Variants in DYM observed in about 807,000 individuals in gnomAD.
DYM encodes the protein dyggve-Melchior-Clausen syndrome protein.
In DYM, 78 loss-of-function variants were observed where a neutral mutation model predicts 93.1. The observed-to-expected ratio is 0.84, with a 90% CI of 0.70 to 1.01. The LOEUF is 1.01. Among genes scored for constraint, DYM ranks in the 50% least tolerant of loss-of-function variants. DYM has a pLI of 0.00. For synonymous variants in DYM, 321 were observed against 319.7 expected, an observed-to-expected ratio of 1.00 and a Z score of -0.04; for missense variants, 789 against 845.0, an observed-to-expected ratio of 0.93 and a Z score of 0.82.
chr18:49,102,541 TATCTCCA>T, intron 16 of DYM, among the ~76,000 whole-genome samples: 1 of 152,196 alleles, frequency 6.6e-6, no homozygotes, highest in Non-Finnish European at 1.5e-5. Context: ...ACATTAGGTA[TATCTCCA>T]AATGCTATCC....
intron 14 of DYM, among the ~76,000 whole-genome samples, chr18:49,187,093 GTA>G (rs1415152552): frequency 2.0e-5 from 3 of 151,964 alleles, no homozygotes; most frequent in African/African-American, 7.2e-5. Flanking sequence ...CTAATTTTTT[GTA>G]TGTTTAGTAG....
At chr18:49,069,900 G>T (rs549130194) in intron 17 of DYM, among the ~76,000 whole-genome samples, 1 of 152,196 alleles carries the variant, frequency 6.6e-6, no homozygotes. Flanking sequence ...AATTAGCTGG[G>T]TGTGGTGGCG....
rs1395909686 is a variant in DYM, at chr18:49,149,186, G to A, written c.1728+14499C>T. Among the ~76,000 whole-genome samples the A allele has an allele frequency of 3.9e-5, 6 of 152,242 alleles. No individual in the cohort carries two copies. In the South Asian group the frequency reaches 1.2e-3, roughly 32 times the overall value. ...TCTAATGCTGCTGCTGATCTGGCAG[G>A]TGGTGGAGCTCAGGAGGTAATGGAG... On this transcript the variant is annotated intron_variant, in intron 15 of 17. Coordinates refer to ENST00000675505, the MANE Select transcript of DYM (RefSeq NM_001353214.3).
At chr18:49,080,433 G>A (rs2077806224) in intron 17 of DYM, among the ~76,000 whole-genome samples, 3 of 130,682 alleles carry the variant, frequency 2.3e-5, no homozygotes, top group East Asian at 2.4e-4. Context: ...CCCGGCAGAG[G>A]GGCTCCTCAC....
At chr18:49,285,389 A>G (rs77644746) in intron 9 of DYM, among the ~76,000 whole-genome samples, 8,587 of 152,314 alleles carry the variant, frequency 0.056, 330 homozygotes, top group Middle Eastern at 0.12. Context: ...TCATTACATT[A>G]GTGTTCAAAA....
chr18:49,432,113 C>A (rs2080372661), intron 1 of DYM, among the ~76,000 whole-genome samples: 1 of 152,098 alleles, frequency 6.6e-6, no homozygotes, highest in Non-Finnish European at 1.5e-5. Flanking sequence ...TGGCTCACGC[C>A]TGTAATCCCA....
chr18:49,355,652 T>G (rs953545599), intron 6 of DYM, among the ~76,000 whole-genome samples: 1 of 152,212 alleles, frequency 6.6e-6, no homozygotes, highest in Non-Finnish European at 1.5e-5. Context: ...ACACTGACGG[T>G]GCAGAAGGCT....
chr18:49,077,142 T>A (rs1288875512), intron 17 of DYM, among the ~76,000 whole-genome samples: 1 of 152,236 alleles, frequency 6.6e-6, no homozygotes, highest in Non-Finnish European at 1.5e-5. Flanking sequence ...GATCACAAGA[T>A]AAAATTTACT....
intron 17 of DYM, among the ~76,000 whole-genome samples, chr18:49,065,078 A>T (rs549679523): frequency 5.8e-4 from 88 of 152,222 alleles, no homozygotes; most frequent in African/African-American, 2.1e-3. Context: ...TTGTTTAGCC[A>T]CTTCATTAGT....
intron 8 of DYM, among the ~76,000 whole-genome samples, chr18:49,325,099 T>C (rs549350731): frequency 3.4e-4 from 52 of 152,186 alleles, no homozygotes; most frequent in Non-Finnish European, 6.6e-4. Context: ...GGGTGAGATA[T>C]TGGGGGGATT....
At chr18:49,235,510 C>T (rs377488216) in intron 13 of DYM, among the ~76,000 whole-genome samples, 67 of 152,126 alleles carry the variant, frequency 4.4e-4, no homozygotes, top group African/African-American at 1.6e-3. Flanking sequence ...TTAATAAGGC[C>T]TATTTTCACT....
At chr18:49,457,746 G>A (rs1424848271) in intron 1 of DYM, among the ~76,000 whole-genome samples, 4 of 152,292 alleles carry the variant, frequency 2.6e-5, no homozygotes, top group Admixed American at 6.5e-5. Context: ...CTTTGCAGGC[G>A]TGATTAAATT....
At chr18:49,360,620 CAAA>C (rs111418911) in intron 6 of DYM, among the ~76,000 whole-genome samples, 1 of 135,620 alleles carries the variant, frequency 7.4e-6, no homozygotes. Context: ...AGATCCATCT[CAAA>C]AAAAAAAAGA....
At chr18:49,339,926 T>G (rs984878197) in intron 6 of DYM, among the ~76,000 whole-genome samples, 3 of 150,988 alleles carry the variant, frequency 2.0e-5, no homozygotes, top group African/African-American at 7.4e-5. Context: ...AGGTTTTGGG[T>G]TTTTTTGGGG....
intron 5 of DYM, among the ~76,000 whole-genome samples, chr18:49,372,194 T>C (rs1322017080): frequency 6.6e-6 from 1 of 152,238 alleles, no homozygotes; most frequent in Non-Finnish European, 1.5e-5. Context: ...CTTCAGCTAC[T>C]GCATGGTGAT....
At chr18:49,234,680 G>A (rs1285611942) in intron 13 of DYM, among the ~76,000 whole-genome samples, 2 of 152,138 alleles carry the variant, frequency 1.3e-5, no homozygotes, top group African/African-American at 2.4e-5. Flanking sequence ...TGGAACCTGT[G>A]AACATGTTAC....
chr18:49,267,654 G>C (rs1398096806), intron 11 of DYM, among the ~76,000 whole-genome samples: 3 of 152,202 alleles, frequency 2.0e-5, no homozygotes, highest in Non-Finnish European at 4.4e-5. Context: ...GGCACTTTGG[G>C]AGGCCAAGGC....
At chr18:49,426,290 G>A (rs914650096) in intron 2 of DYM, among the ~76,000 whole-genome samples, 4 of 150,908 alleles carry the variant, frequency 2.7e-5, no homozygotes, top group African/African-American at 4.9e-5. Context: ...GCAAACCATC[G>A]CAAGGACAGA....
chr18:49,216,080 C>G (rs777867859), intron 13 of DYM, among the ~76,000 whole-genome samples: 7 of 152,204 alleles, frequency 4.6e-5, no homozygotes, highest in Non-Finnish European at 8.8e-5. Context: ...GCTTAAAAAA[C>G]GGTGCACCAC....
Sources: gnomAD v4.1 joint callset for allele counts (sites outside exome capture counted in the v4.1 genomes callset) on GRCh38, gnomAD v4.1.1 for gene constraint, MANE v1.5 for transcripts, NCBI Gene and HGNC (gene_info 2026-07-23, HGNC 2026-07-21) for gene names.